The following LINC00632 variants were observed in gnomAD, a reference collection of about 807,000 sequenced individuals.
LINC00632 encodes the protein long independently transcribed non-coding RNA 632, also known as ALDOA related specific transcript.
intron 2 of LINC00632, among the ~76,000 whole-genome samples, chrX:140,716,859 C>T (rs1930641142): frequency 9.0e-6 from 1 of 110,500 alleles, no homozygotes; most frequent in African/African-American, 3.3e-5. Flanking sequence ...CTACATCATA[C>T]AAACACACCC....
At chrX:140,762,045 T>C (rs1242325014) in intron 3 of LINC00632, among the ~76,000 whole-genome samples, 2 of 111,946 alleles carry the variant, frequency 1.8e-5, no homozygotes, top group Non-Finnish European at 3.8e-5. Context: ...GCAAAGAAGA[T>C]GTGCTTACAT....
chrX:140,755,395 G>A (rs967443497), intron 3 of LINC00632, among the ~76,000 whole-genome samples: 13 of 112,132 alleles, frequency 1.2e-4, no homozygotes, highest in Non-Finnish European at 2.1e-4. Flanking sequence ...AGGTGTATTC[G>A]TTGTTTGAGT....
chrX:140,746,780 G>A (rs1289448360), intron 3 of LINC00632, among the ~76,000 whole-genome samples: 1 of 112,019 alleles, frequency 8.9e-6, no homozygotes, highest in Non-Finnish European at 1.9e-5. Flanking sequence ...TGAAGAGTTT[G>A]CTTACATTGT....
chrX:140,745,364 C>A (rs888229471), intron 3 of LINC00632, among the ~76,000 whole-genome samples: 1 of 110,503 alleles, frequency 9.0e-6, no homozygotes, highest in African/African-American at 3.3e-5. Context: ...GAAGACAGCA[C>A]CTATGTTTCA....
chrX:140,742,527 G>A (rs1411035477), intron 3 of LINC00632, among the ~76,000 whole-genome samples: 1 of 111,102 alleles, frequency 9.0e-6, no homozygotes, highest in African/African-American at 3.3e-5. Context: ...CCCCCAGGTA[G>A]ATCCAAGTAG....
chrX:140,765,707 T>C (rs1225582863), intron 3 of LINC00632, among the ~76,000 whole-genome samples: 2 of 95,964 alleles, frequency 2.1e-5, no homozygotes, highest in Non-Finnish European at 4.1e-5. Context: ...GACTAGACAC[T>C]GTTAGGTGCT....
chrX:140,791,020 A>ATAAC (rs1277664353), exon 5 of LINC00632, among the ~76,000 whole-genome samples: 1 of 111,415 alleles, frequency 9.0e-6, no homozygotes, highest in East Asian at 2.8e-4. Context: ...TAAAGACTTT[A>ATAAC]TAACTTCCAG....
chrX:140,742,255 G>A (rs1931234550), intron 3 of LINC00632, among the ~76,000 whole-genome samples: 1 of 111,742 alleles, frequency 8.9e-6, no homozygotes, highest in Admixed American at 9.6e-5. Flanking sequence ...TTATTAAAAG[G>A]TTTTGTGCTG....
intron 3 of LINC00632, among the ~76,000 whole-genome samples, chrX:140,768,717 TTTAA>T (rs1205855229): frequency 1.7e-4 from 17 of 98,529 alleles, no homozygotes; most frequent in East Asian, 1.5e-3. Context: ...TAAATATATA[TTTAA>T]TTAAATATAT....
exon 4 of LINC00632, chrX:140,772,476 G>A (rs1931815192): frequency 3.4e-6 from 1 of 293,445 alleles, no homozygotes; most frequent in East Asian, 4.8e-5. Context: ...CGTGAGTTAG[G>A]GGTGAGAATG....
chrX:140,726,292 C>A (rs780213723), intron 2 of LINC00632, among the ~76,000 whole-genome samples: 2 of 111,274 alleles, frequency 1.8e-5, no homozygotes, highest in Admixed American at 9.7e-5. Context: ...TGCCTTCCAA[C>A]ACATGGACAC....
chrX:140,759,106 G>A (rs1179349755), intron 3 of LINC00632, among the ~76,000 whole-genome samples: 1 of 104,578 alleles, frequency 9.6e-6, no homozygotes, highest in Non-Finnish European at 2.0e-5. Context: ...CTGGGATTAC[G>A]GGCATGTGCC....
exon 5 of LINC00632, among the ~76,000 whole-genome samples, chrX:140,787,060 G>A (rs1383566076): frequency 9.0e-6 from 1 of 111,218 alleles, no homozygotes; most frequent in Non-Finnish European, 1.9e-5. Context: ...CAATGTACAG[G>A]TATTTTCTAT....
chrX:140,784,157 C>T (rs191541717), exon 5 of LINC00632: 17 of 1,209,023 alleles, frequency 1.4e-5, no homozygotes, highest in South Asian at 5.3e-5. Flanking sequence ...CCATAGCTTC[C>T]GAAAAATCCA....
intron 2 of LINC00632, among the ~76,000 whole-genome samples, chrX:140,724,107 C>A: frequency 3.0e-5 from 1 of 32,988 alleles, no homozygotes. Flanking sequence ...ACATATATTC[C>A]ATATACACAC....
At chrX:140,721,955 C>A (rs1391146720) in intron 2 of LINC00632, among the ~76,000 whole-genome samples, 2 of 110,911 alleles carry the variant, frequency 1.8e-5, no homozygotes, top group Non-Finnish European at 3.8e-5. Context: ...TCACATATCA[C>A]TCAAACACCT....
At chrX:140,758,023 T>G (rs1931523929) in intron 3 of LINC00632, among the ~76,000 whole-genome samples, 1 of 111,757 alleles carries the variant, frequency 8.9e-6, no homozygotes, top group Non-Finnish European at 1.9e-5. Flanking sequence ...GTTTTGAGGA[T>G]CATTTCATTC....
intron 3 of LINC00632, among the ~76,000 whole-genome samples, chrX:140,763,402 C>CAA (rs139059108): frequency 1.8e-4 from 13 of 73,669 alleles, no homozygotes; most frequent in East Asian, 4.5e-4. Flanking sequence ...GACTCTGTCT[C>CAA]AAAAAAAAAA....
At chrX:140,772,184 T>C (rs180797937) in exon 4 of LINC00632, 433 of 294,081 alleles carry the variant, frequency 1.5e-3, no homozygotes, top group Non-Finnish European at 2.1e-3. Context: ...TTTCCCTAAG[T>C]CCGCGCCTTT....
Sources: allele counts gnomAD v4.1 joint callset (sites outside exome capture counted in the v4.1 genomes callset), GRCh38; gene constraint gnomAD v4.1.1; transcripts MANE v1.5; gene names NCBI Gene and HGNC (gene_info 2026-07-23, HGNC 2026-07-21).